Variants in SDCCAG8 observed in about 807,000 individuals in gnomAD.
SDCCAG8 encodes the protein SHH signaling and ciliogenesis regulator SDCCAG8.
In SDCCAG8, 74 loss-of-function variants were observed where a neutral mutation model predicts 101.8. The ratio of observed to expected loss-of-function variants is 0.73; its 90% CI spans 0.60 to 0.88. SDCCAG8 has a LOEUF of 0.88. Ranked by LOEUF, SDCCAG8 falls within the 40% of genes least tolerant of loss-of-function variation. The probability of loss-of-function intolerance (pLI) is 0.00; values close to 1 mark genes in which losing one functional copy is unlikely to be tolerated. For missense variants in SDCCAG8, 787 were observed against 822.6 expected, an observed-to-expected ratio of 0.96 and a Z score of 0.53; for synonymous variants, 281 against 292.9, an observed-to-expected ratio of 0.96 and a Z score of 0.41.
At chr1:243,325,107 C>CT (rs1377287052) in intron 9 of SDCCAG8, among the ~76,000 whole-genome samples, 1 of 152,166 alleles carries the variant, frequency 6.6e-6, no homozygotes, top group African/African-American at 2.4e-5. Context: ...ACCAGAAGAC[C>CT]TTGAAATCAG....
chr1:243,497,912 A>G (rs1390833956), intron 17 of SDCCAG8, among the ~76,000 whole-genome samples: 1 of 152,048 alleles, frequency 6.6e-6, no homozygotes, highest in Non-Finnish European at 1.5e-5. Context: ...GAACTCCTGG[A>G]CTCAAGCGAT....
intron 7 of SDCCAG8, chr1:243,306,573 T>C (rs1397801564): frequency 1.3e-5 from 2 of 152,196 alleles, no homozygotes; most frequent in Non-Finnish European, 2.9e-5. Flanking sequence ...CTTTCTCTTT[T>C]GCCATTTCTA....
intron 13 of SDCCAG8, among the ~76,000 whole-genome samples, chr1:243,398,358 A>G (rs1292964963): frequency 2.6e-5 from 4 of 152,174 alleles, no homozygotes; most frequent in Non-Finnish European, 5.9e-5. Flanking sequence ...AAGATCATCA[A>G]TTTTGGTCTC....
At chr1:243,467,299 T>G (rs1660347420) in intron 16 of SDCCAG8, among the ~76,000 whole-genome samples, 1 of 152,124 alleles carries the variant, frequency 6.6e-6, no homozygotes, top group African/African-American at 2.4e-5. Flanking sequence ...AAATCAGGAG[T>G]GTGGAAGCTG....
At chr1:243,495,210 C>T (rs1390705470) in intron 17 of SDCCAG8, among the ~76,000 whole-genome samples, 1 of 152,234 alleles carries the variant, frequency 6.6e-6, no homozygotes, top group Non-Finnish European at 1.5e-5. Flanking sequence ...TCCACCCCGG[C>T]CTCATGTGTG....
At chr1:243,367,647 G>A (rs2077058210) in intron 12 of SDCCAG8, among the ~76,000 whole-genome samples, 2 of 151,430 alleles carry the variant, frequency 1.3e-5, no homozygotes, top group Admixed American at 1.3e-4. Context: ...TTTCTTCCTG[G>A]TACTTTTGTT....
At chr1:243,419,781 A>G (rs970743206) in intron 15 of SDCCAG8, among the ~76,000 whole-genome samples, 1 of 152,200 alleles carries the variant, frequency 6.6e-6, no homozygotes, top group Admixed American at 6.5e-5. Context: ...TTATGATGAG[A>G]AAGTTTGGGA....
Position 243,430,869 on chromosome 1 carries a change from G to A in SDCCAG8, c.1985+4311G>A, listed in dbSNP as rs905338833. Among the ~76,000 whole-genome samples, 3 of 152,200 alleles carry A rather than the reference G, an allele frequency of 2.0e-5. No homozygotes were observed. In the South Asian group the frequency reaches 6.2e-4, roughly 32 times the overall value. On this transcript the variant is annotated intron_variant, in intron 16 of 17. Transcript: ENST00000366541. ...AAAATTGTATTCTAACTCCACAATAGATAACAGATTGGAACAGAGCCATCG... is the reference window on the plus strand; with the variant it reads ...AAAATTGTATTCTAACTCCACAATAAATAACAGATTGGAACAGAGCCATCG...
At chr1:243,381,802 G>A (rs193273257) in intron 13 of SDCCAG8, among the ~76,000 whole-genome samples, 22 of 152,302 alleles carry the variant, frequency 1.4e-4, no homozygotes, top group Middle Eastern at 6.8e-3. Context: ...ATATGCAAAT[G>A]TAATAGACTG....
intron 17 of SDCCAG8, among the ~76,000 whole-genome samples, chr1:243,496,536 G>C (rs967842824): frequency 1.3e-5 from 2 of 152,176 alleles, no homozygotes; most frequent in Non-Finnish European, 2.9e-5. Flanking sequence ...CCAGTGAGCA[G>C]AGCGGACAGC....
At position 243,341,023 on chromosome 1, in the gene SDCCAG8, T is replaced by C. The variant is rs2075354448; in HGVS notation, c.1222-16T>C. 4.3e-6 allele frequency: 7 copies of C among 1,612,284 alleles called. No individual in the cohort carries two copies. Among genetic ancestry groups the C allele is most frequent in the East Asian group, 4.5e-5 (2 of 44,868 alleles). On this transcript the variant is annotated splice_polypyrimidine_tract_variant and intron_variant, in intron 10 of 17. Transcript: ENST00000366541. ...CAAATGACATTATTGTTTAGGACTTTTATTTTCCCTTACAGATGTTGATCT... is the reference window on the plus strand; with the variant it reads ...CAAATGACATTATTGTTTAGGACTTCTATTTTCCCTTACAGATGTTGATCT...
intron 1 of SDCCAG8, among the ~76,000 whole-genome samples, chr1:243,256,977 G>A (rs1164076165): frequency 3.3e-5 from 5 of 152,140 alleles, no homozygotes; most frequent in Non-Finnish European, 7.3e-5. Context: ...TTTCCTTTAA[G>A]CTCTGTTGGA....
At chr1:243,387,443 A>G (rs1230469656) in intron 13 of SDCCAG8, among the ~76,000 whole-genome samples, 2 of 152,216 alleles carry the variant, frequency 1.3e-5, no homozygotes, top group Non-Finnish European at 2.9e-5. Flanking sequence ...ATGTACTTCA[A>G]AGAATTTCTC....
Position 243,261,136 on chromosome 1 carries a change from A to G in SDCCAG8, c.67+4896A>G, listed in dbSNP as rs529614010. 7.9e-5 allele frequency among the ~76,000 whole-genome samples: 12 copies of G among 152,322 alleles called. 1 individual carries two copies. In the Middle Eastern group the frequency reaches 0.01, roughly 130 times the overall value. On this transcript the variant is annotated intron_variant, in intron 1 of 17. Coordinates refer to ENST00000366541, the MANE Select transcript of SDCCAG8 (RefSeq NM_006642.5). ...TGGGCAGTTTCTGCTTTTTCTAAAA[A>G]CATTTCAATTTCTTCCTTGCTCCCT...
chr1:243,352,989 T>C (rs1390672089), intron 12 of SDCCAG8, among the ~76,000 whole-genome samples: 1 of 152,200 alleles, frequency 6.6e-6, no homozygotes, highest in Non-Finnish European at 1.5e-5. Flanking sequence ...TTTAGAGCCC[T>C]TTTGCCCTAA....
intron 1 of SDCCAG8, among the ~76,000 whole-genome samples, chr1:243,264,562 C>G (rs566131493): frequency 9.1e-4 from 139 of 151,946 alleles, no homozygotes; most frequent in African/African-American, 3.2e-3. Context: ...TGCAGTGAGC[C>G]GAGATTGCAC....
At chr1:243,263,053 C>G (rs2067309108) in intron 1 of SDCCAG8, among the ~76,000 whole-genome samples, 1 of 152,192 alleles carries the variant, frequency 6.6e-6, no homozygotes, top group South Asian at 2.1e-4. Context: ...GTGTCCTCCC[C>G]ACCAGCACTC....
intron 12 of SDCCAG8, among the ~76,000 whole-genome samples, chr1:243,349,568 A>G (rs992457677): frequency 1.3e-5 from 2 of 152,330 alleles, no homozygotes; most frequent in African/African-American, 4.8e-5. Flanking sequence ...TTGAAGACCC[A>G]TGTATCTTAA....
chr1:243,332,356 A>G (rs573500702), intron 10 of SDCCAG8, among the ~76,000 whole-genome samples: 9 of 152,212 alleles, frequency 5.9e-5, no homozygotes, highest in Admixed American at 3.3e-4. Flanking sequence ...GAGAAAAATC[A>G]TTTTGTCAGT....
Sources: gnomAD v4.1 joint callset for allele counts (sites outside exome capture counted in the v4.1 genomes callset) on GRCh38, gnomAD v4.1.1 for gene constraint, MANE v1.5 for transcripts, NCBI Gene and HGNC (gene_info 2026-07-23, HGNC 2026-07-21) for gene names.